SYT13: variants seen among roughly 807,000 people sequenced by gnomAD.
The protein encoded by SYT13 is synaptotagmin 13.
A neutral mutation model predicts 38.6 loss-of-function variants in SYT13; 21 were observed. The ratio of observed to expected loss-of-function variants is 0.54; its 90% CI spans 0.39 to 0.78. The LOEUF (loss-of-function observed/expected upper bound fraction) is 0.78, where lower values mean the gene tolerates loss of function less well. Ranked by LOEUF, SYT13 falls within the 30% of genes least tolerant of loss-of-function variation. The pLI is 0.00. For missense variants in SYT13, 495 were observed against 548.7 expected (o/e 0.90, Z 0.98); for synonymous variants, 241 against 237.6 (o/e 1.01, Z -0.13).
At chr11:45,277,987 A>C (rs1855029521) in intron 1 of SYT13, among the ~76,000 whole-genome samples, 1 of 152,188 alleles carries the variant, frequency 6.6e-6, no homozygotes, top group Non-Finnish European at 1.5e-5. Context: ...CTCACTTCCT[A>C]GCACAGTACC....
chr11:45,262,809 TTTATG>T (rs1205682887), intron 1 of SYT13, among the ~76,000 whole-genome samples: 1 of 151,126 alleles, frequency 6.6e-6, no homozygotes, highest in Non-Finnish European at 1.5e-5. Flanking sequence ...GATGGTAAAT[TTTATG>T]TTATGTTCTT....
intron 5 of SYT13, among the ~76,000 whole-genome samples, chr11:45,246,164 A>G (rs4755941): frequency 0.79 from 119,667 of 152,176 alleles, 48,295 homozygotes; most frequent in Non-Finnish European, 0.88. Context: ...GATGGGATTG[A>G]TCCAAGAGTA....
At chr11:45,270,197 T>C (rs1854933206) in intron 1 of SYT13, among the ~76,000 whole-genome samples, 1 of 152,232 alleles carries the variant, frequency 6.6e-6, no homozygotes, top group Non-Finnish European at 1.5e-5. Context: ...TTTTTCCTGT[T>C]AAACTGAGTC....
intron 1 of SYT13, among the ~76,000 whole-genome samples, chr11:45,276,643 T>G (rs1233302700): frequency 6.6e-6 from 1 of 151,520 alleles, no homozygotes; most frequent in Non-Finnish European, 1.5e-5. Flanking sequence ...TTGGGGTTTT[T>G]TTTTAGATAT....
At chr11:45,254,989 A>G (rs2135892354) in intron 2 of SYT13, among the ~76,000 whole-genome samples, 1 of 152,082 alleles carries the variant, frequency 6.6e-6, no homozygotes, top group East Asian at 1.9e-4. Flanking sequence ...GGTGGCATGC[A>G]CCTGTAGTCC....
At chr11:45,253,933 G>A (rs1044263949) in intron 3 of SYT13, 26 of 178,672 alleles carry the variant, frequency 1.5e-4, no homozygotes, top group Middle Eastern at 2.2e-3. Context: ...GAATGATTAC[G>A]CCCTCTCCTT....
chr11:45,254,229 T>G, intron 3 of SYT13, 41 bp downstream of exon 3: 1 of 1,575,164 alleles, frequency 6.3e-7, no homozygotes, highest in Admixed American at 1.8e-5. Flanking sequence ...CCAGGGGAGA[T>G]AGACACACAG....
chr11:45,270,484 C>T (rs759566862), intron 1 of SYT13, among the ~76,000 whole-genome samples: 12 of 152,204 alleles, frequency 7.9e-5, no homozygotes, highest in South Asian at 2.1e-4. Context: ...TTGATGAAAC[C>T]ATTAACTAGG....
intron 1 of SYT13, among the ~76,000 whole-genome samples, chr11:45,273,535 G>A (rs192181343): frequency 1.0e-3 from 155 of 152,046 alleles, no homozygotes; most frequent in African/African-American, 3.5e-3. Flanking sequence ...TGACGGGGGA[G>A]CATTTAGGGG....
Position 45,262,721 on chromosome 11 carries a change from TCACACACACACA to T in SYT13, c.184-6842_184-6831del, listed in dbSNP as rs71451610. Among the ~76,000 whole-genome samples, 204 of 78,262 alleles carry T rather than the reference TCACACACACACA, an allele frequency of 2.6e-3. 1 individual carries two copies. Among genetic ancestry groups the T allele is most frequent in the Middle Eastern group, 7.9e-3 (1 of 126 alleles). The allele number at this position is 78,262 out of a possible 152,430, so 51.3% of individuals were successfully genotyped here. ...AGCCTGGGCAAAGAGGGAGATCCTA[TCACACACACACA>T]CACACACACACACACACACACACAC... On this transcript the variant is annotated intron_variant, in intron 1 of 5. Coordinates refer to ENST00000020926, the MANE Select transcript of SYT13 (RefSeq NM_020826.3).
intron 2 of SYT13, among the ~76,000 whole-genome samples, chr11:45,255,244 TCCC>T: frequency 6.6e-6 from 1 of 152,124 alleles, no homozygotes; most frequent in East Asian, 1.9e-4. Flanking sequence ...ACTTTACAAC[TCCC>T]CTACCAGACA....
At chr11:45,259,132 A>G (rs1854785915) in intron 1 of SYT13, among the ~76,000 whole-genome samples, 1 of 152,088 alleles carries the variant, frequency 6.6e-6, no homozygotes, top group African/African-American at 2.4e-5. Flanking sequence ...AATGGCAATC[A>G]CAGCATCTCA....
chr11:45,273,486 G>A (rs1854974675), intron 1 of SYT13, among the ~76,000 whole-genome samples: 1 of 151,848 alleles, frequency 6.6e-6, no homozygotes, highest in South Asian at 2.1e-4. Flanking sequence ...AATGGGGATA[G>A]GCTTGGAGCA....
Position 45,242,766 on chromosome 11 carries a change from C to T in SYT13, c.*1286G>A, listed in dbSNP as rs1854567310. The T allele has an allele frequency of 6.6e-6, 1 of 152,078 alleles. No individual in the cohort carries two copies. Among genetic ancestry groups the T allele is most frequent in the African/African-American group, 2.4e-5 (1 of 41,404 alleles). 9.4% of individuals were successfully genotyped at this position (152,078 alleles called of 1,614,324 possible). ...AGGTGCTGAAGGGCAATGTCAACAA[C>T]AGAACCCAGGAATCCTGGTTCAGGT... On this transcript the variant is annotated 3_prime_UTR_variant, in exon 6 of 6. Transcript: ENST00000020926.
chr11:45,264,856 G>A (rs1003962938), intron 1 of SYT13, among the ~76,000 whole-genome samples: 14 of 152,236 alleles, frequency 9.2e-5, no homozygotes, highest in Admixed American at 9.2e-4. Flanking sequence ...GTGTGGACAA[G>A]GATGTGAGAC....
intron 1 of SYT13, among the ~76,000 whole-genome samples, chr11:45,271,243 T>C (rs1352534634): frequency 6.6e-6 from 1 of 152,212 alleles, no homozygotes; most frequent in East Asian, 1.9e-4. Flanking sequence ...ACATTTGCTA[T>C]TTCTGATTCA....
chr11:45,281,088 T>C (rs1355185617), intron 1 of SYT13, among the ~76,000 whole-genome samples: 1 of 151,740 alleles, frequency 6.6e-6, no homozygotes, highest in African/African-American at 2.4e-5. Context: ...CCCAGCTACT[T>C]GGAAGGCTGA....
intron 4 of SYT13, among the ~76,000 whole-genome samples, chr11:45,251,249 C>T (rs532139445): frequency 2.5e-3 from 373 of 151,640 alleles, no homozygotes; most frequent in Non-Finnish European, 4.4e-3. Context: ...ATTAGCTGGG[C>T]GTGGTGGCGT....
chr11:45,271,617 G>A lies in SYT13; in HGVS notation c.183+14408C>T, dbSNP rs2135905687. On this transcript the variant is annotated intron_variant, in intron 1 of 5. Transcript: ENST00000020926. ...CTTGAATTCTATCTTATAAACAATGGAGAAACGTTGACAGTTTGTGAGTAG... is the reference window on the plus strand; with the variant it reads ...CTTGAATTCTATCTTATAAACAATGAAGAAACGTTGACAGTTTGTGAGTAG... Among the ~76,000 whole-genome samples, 4 of 152,318 alleles carry A rather than the reference G, an allele frequency of 2.6e-5. 1 individual carries two copies. Among genetic ancestry groups the A allele is most frequent in the Middle Eastern group, 6.8e-3 (2 of 294 alleles).
Sources: gnomAD v4.1 joint callset for allele counts (sites outside exome capture counted in the v4.1 genomes callset) on GRCh38, gnomAD v4.1.1 for gene constraint, MANE v1.5 for transcripts, NCBI Gene and HGNC (gene_info 2026-07-23, HGNC 2026-07-21) for gene names.